The following SND1 variants were observed in gnomAD, a reference collection of about 807,000 sequenced individuals.
SND1 encodes staphylococcal nuclease and tudor domain containing 1.
In SND1, 38 loss-of-function variants were observed where a neutral mutation model predicts 121.7. That is an observed-to-expected ratio of 0.31 (90% CI 0.24 to 0.41). SND1 has a LOEUF of 0.41. SND1 is among the 10% of genes least tolerant of loss of function. The pLI is 1.00. For missense variants in SND1, 868 were observed against 1,184.6 expected (o/e 0.73, Z 3.92); for synonymous variants, 401 against 447.4 (o/e 0.90, Z 1.31).
In SND1 at chr7:127,894,681, TCA is replaced by T. The variant is rs1278964014; in HGVS notation, c.1454+6672_1454+6673del. Among the ~76,000 whole-genome samples, 3 of 152,146 alleles carry T rather than the reference TCA, an allele frequency of 2.0e-5. No homozygotes were observed. In the East Asian group the frequency reaches 5.8e-4, roughly 29 times the overall value. On this transcript the variant is annotated intron_variant, in intron 13 of 23. Transcript: ENST00000354725. Reference sequence around the variant, plus strand: ...GAAACTTTAAAACTGATATATCCTATCACAGAGTGTAGATTAAATGGGTTAAT... The same window carrying T: ...GAAACTTTAAAACTGATATATCCTATCAGAGTGTAGATTAAATGGGTTAAT...
At chr7:128,082,460 C>T (rs920732324) in intron 18 of SND1, among the ~76,000 whole-genome samples, 48 of 152,210 alleles carry the variant, frequency 3.2e-4, no homozygotes, top group Admixed American at 2.0e-4. Flanking sequence ...TCCCAGGCAG[C>T]TGCCTTTGTG....
chr7:127,803,610 T>C (rs1365404822), intron 10 of SND1, among the ~76,000 whole-genome samples: 1 of 152,204 alleles, frequency 6.6e-6, no homozygotes, highest in Non-Finnish European at 1.5e-5. Flanking sequence ...TTTATAATAA[T>C]CCTACAGTAT....
chr7:127,858,035 C>A (rs1330726814), intron 12 of SND1: 1 of 1,422,444 alleles, frequency 7.0e-7, no homozygotes, highest in Non-Finnish European at 9.9e-7. Context: ...CACATCACAT[C>A]CACCAGACCA....
Position 128,074,590 on chromosome 7 carries a change from T to C in SND1, c.1868T>C (p.Val623Ala), listed in dbSNP as rs768774918. ...GGTGCCAACCTGTCCGTCCTGCTGG[T>C]GGAGCACGCGCTCTCCAAGGTCCAC... Reference protein sequence around the residue: ...IDGANLSVLLVEHALSKVHFT... With the variant: ...IDGANLSVLLAEHALSKVHFT... The change falls in exon 17 of 24, where the codon GTG becomes GCG. Residue 623 changes from valine to alanine, a missense_variant. This residue lies in a region of SND1 where 743 missense variants were observed against 1,071.3 expected (regional missense o/e 0.69). Coordinates refer to ENST00000354725, the MANE Select transcript of SND1 (RefSeq NM_014390.4). The C allele has an allele frequency of 1.9e-6, 3 of 1,613,800 alleles. No individual in the cohort carries two copies. Among genetic ancestry groups the C allele is most frequent in the Non-Finnish European group, 2.5e-6 (3 of 1,179,990 alleles).
At position 127,818,787 on chromosome 7, in the gene SND1, T is replaced by A. The variant is rs115573679; in HGVS notation, c.1242+11214T>A. Among the ~76,000 whole-genome samples, 889 of 152,218 alleles carry A rather than the reference T, an allele frequency of 5.8e-3. 16 individuals carry two copies. The highest frequency in any genetic ancestry group is 0.02 in the African/African-American group (847 of 41,524). On this transcript the variant is annotated intron_variant, in intron 11 of 23. Transcript: ENST00000354725. The stretch of plus-strand genomic sequence containing the variant: ...ACCATCTCCAAACTTTTAACCACCA[T>A]TTATTTAAAAAAGACACCAAAAGAA...
intron 10 of SND1, among the ~76,000 whole-genome samples, chr7:127,760,719 CT>C (rs1212529778): frequency 2.0e-5 from 3 of 152,200 alleles, no homozygotes; most frequent in African/African-American, 7.2e-5. Flanking sequence ...CCTCCACAAA[CT>C]TTTTTCCCTT....
Position 128,065,232 on chromosome 7 carries a change from T to G in SND1, c.1780-9270T>G, listed in dbSNP as rs76496746. On this transcript the variant is annotated intron_variant, in intron 16 of 23. Coordinates refer to ENST00000354725, the MANE Select transcript of SND1 (RefSeq NM_014390.4). ...CTGGAGCCAAGTTCATTTCTTTTTC[T>G]GCAAGATGGATGGAAGGGAATGAAG... 5.7e-3 allele frequency among the ~76,000 whole-genome samples: 869 copies of G among 152,350 alleles called. 8 individuals carry two copies. The highest frequency in any genetic ancestry group is 0.02 in the African/African-American group (829 of 41,580).
In SND1 at chr7:128,026,420, G is replaced by C. The variant is rs76307720; in HGVS notation, c.1779+35364G>C. The stretch of plus-strand genomic sequence containing the variant: ...AGCCAACTGCTGCAAAGTGCTGCCT[G>C]CCTCTCTTTCCCTCCTTAGTGCCAA... On this transcript the variant is annotated intron_variant, in intron 16 of 23. Coordinates refer to ENST00000354725, the MANE Select transcript of SND1 (RefSeq NM_014390.4). Among the ~76,000 whole-genome samples the C allele has an allele frequency of 7.7e-4, 118 of 152,264 alleles. 1 individual carries two copies. The highest frequency in any genetic ancestry group is 6.8e-3 in the Middle Eastern group (2 of 294).
intron 17 of SND1, among the ~76,000 whole-genome samples, chr7:128,076,908 C>G (rs1263985329): frequency 6.6e-6 from 1 of 152,196 alleles, no homozygotes; most frequent in African/African-American, 2.4e-5. Flanking sequence ...TCCCTGTGCC[C>G]TGTGGATGCC....
intron 10 of SND1, among the ~76,000 whole-genome samples, chr7:127,723,221 C>G (rs1281433283): frequency 6.6e-6 from 1 of 152,110 alleles, no homozygotes; most frequent in South Asian, 2.1e-4. Flanking sequence ...TATTTTTAGT[C>G]CCAGTATCCT....
chr7:127,864,504 T>C (rs1799432892), intron 12 of SND1, among the ~76,000 whole-genome samples: 1 of 152,100 alleles, frequency 6.6e-6, no homozygotes. Context: ...TGTTCAATGC[T>C]ACCTAAGTCT....
At chr7:127,821,101 A>C (rs1798538922) in intron 11 of SND1, among the ~76,000 whole-genome samples, 1 of 152,088 alleles carries the variant, frequency 6.6e-6, no homozygotes, top group African/African-American at 2.4e-5. Flanking sequence ...TACATTTAGA[A>C]CTCTCTGCCT....
At chr7:127,670,297 ATT>A (rs3837143) in intron 1 of SND1, among the ~76,000 whole-genome samples, 1 of 150,748 alleles carries the variant, frequency 6.6e-6, no homozygotes, top group Admixed American at 6.6e-5. Context: ...CCTAATTTTA[ATT>A]TTTTTTTTTA....
chr7:127,711,092 A>C (rs1256613478), intron 9 of SND1, among the ~76,000 whole-genome samples: 1 of 152,104 alleles, frequency 6.6e-6, no homozygotes, highest in Non-Finnish European at 1.5e-5. Flanking sequence ...AGTATCTTGG[A>C]GCTTTGCAAC....
intron 10 of SND1, among the ~76,000 whole-genome samples, chr7:127,736,320 C>T (rs574357130): frequency 7.6e-4 from 115 of 152,276 alleles, no homozygotes; most frequent in Middle Eastern, 3.4e-3. Flanking sequence ...TGTTAATAAT[C>T]GCAAGGCCTT....
intron 16 of SND1, among the ~76,000 whole-genome samples, chr7:128,040,589 G>C (rs1344124180): frequency 6.6e-6 from 1 of 151,514 alleles, no homozygotes; most frequent in Non-Finnish European, 1.5e-5. Context: ...TCTGTAAAGT[G>C]GCAACAAAAT....
chr7:127,865,752 A>G (rs75026282), intron 12 of SND1, among the ~76,000 whole-genome samples: 2,585 of 151,588 alleles, frequency 0.017, 91 homozygotes, highest in African/African-American at 0.059. Context: ...GACTACAGGC[A>G]TGCCATCATG....
At position 127,768,377 on chromosome 7, in the gene SND1, T is replaced by G. The variant is rs76486066; in HGVS notation, c.1153-39107T>G. ...TGGCAAATACCTGTTTTGGGTATGC[T>G]CAGTGACTCAGAATGGCCACCAAAC... is the stretch of plus-strand genomic sequence containing the variant. On this transcript the variant is annotated intron_variant, in intron 10 of 23. Transcript: ENST00000354725. Among the ~76,000 whole-genome samples, 922 of 152,322 alleles carry G rather than the reference T, an allele frequency of 6.1e-3. 10 individuals are homozygous for G. Among genetic ancestry groups the G allele is most frequent in the African/African-American group, 0.021 (872 of 41,550 alleles).
chr7:127,762,255 G>A (rs556662481), intron 10 of SND1, among the ~76,000 whole-genome samples: 4 of 152,296 alleles, frequency 2.6e-5, no homozygotes, highest in African/African-American at 4.8e-5. Context: ...AGACTCAATG[G>A]GTTATACAAC....
Sources: gnomAD v4.1 joint callset for allele counts (sites outside exome capture counted in the v4.1 genomes callset) on GRCh38, gnomAD v4.1.1 for gene constraint, gnomAD v4.1.1 regional missense constraint, MANE v1.5 for transcripts, NCBI Gene and HGNC (gene_info 2026-07-23, HGNC 2026-07-21) for gene names.